Variants in FRK observed in about 807,000 individuals in gnomAD.
FRK encodes the protein fyn related Src family tyrosine kinase, also known as tyrosine-protein kinase FRK.
In FRK, 51 loss-of-function variants were observed where a neutral mutation model predicts 56.4. The ratio of observed to expected loss-of-function variants is 0.90; its 90% CI spans 0.72 to 1.14. FRK has a LOEUF of 1.14. FRK is among the 50% of genes most tolerant of loss of function. The pLI is 0.00. For synonymous variants in FRK, 245 were observed against 217.9 expected (o/e 1.12, Z -1.10); for missense variants, 570 against 601.4 (o/e 0.95, Z 0.55).
chr6:116,044,535 C>G (rs35346019), intron 1 of FRK, among the ~76,000 whole-genome samples: 1 of 152,108 alleles, frequency 6.6e-6, no homozygotes, highest in Non-Finnish European at 1.5e-5. Context: ...ATTCAACACC[C>G]CTTCATGCTA....
chr6:115,999,313 T>C (rs1241705433), intron 2 of FRK, among the ~76,000 whole-genome samples: 2 of 152,180 alleles, frequency 1.3e-5, no homozygotes, highest in Non-Finnish European at 2.9e-5. Flanking sequence ...CCACATATAA[T>C]ATGTAATATT....
chr6:116,069,033 G>C, the FRK span, among the ~76,000 whole-genome samples: 2 of 152,268 alleles, frequency 1.3e-5, no homozygotes, highest in South Asian at 4.1e-4. Context: ...CAGCTGATAA[G>C]CCTTTCCTAA....
chr6:116,100,548 T>G, the FRK span, among the ~76,000 whole-genome samples: 5 of 151,974 alleles, frequency 3.3e-5, no homozygotes, highest in Non-Finnish European at 7.4e-5. Context: ...CCGGTTAATT[T>G]TGTGGTAGCC....
At chr6:116,099,355 T>C in the FRK span, among the ~76,000 whole-genome samples, 1 of 152,202 alleles carries the variant, frequency 6.6e-6, no homozygotes, top group Non-Finnish European at 1.5e-5. Context: ...AAACAAGATA[T>C]TCCCCAAGGA....
the FRK span, among the ~76,000 whole-genome samples, chr6:116,086,924 A>C: frequency 6.6e-6 from 1 of 152,232 alleles, no homozygotes; most frequent in African/African-American, 2.4e-5. Flanking sequence ...ACAGGTTATA[A>C]TACCACAAAA....
At chr6:116,085,692 T>G in the FRK span, among the ~76,000 whole-genome samples, 3 of 152,050 alleles carry the variant, frequency 2.0e-5, no homozygotes, top group Admixed American at 6.6e-5. Context: ...ATGCACCACA[T>G]GCACAGGCCG....
At position 115,932,299 on chromosome 6, in the gene FRK, A is replaced by G. The variant is rs545300055; in HGVS notation, c.*10115T>C. 1.3e-5 allele frequency: 2 copies of G among 152,240 alleles called. No homozygotes were observed. The highest frequency in any genetic ancestry group is 2.9e-5 in the Non-Finnish European group (2 of 68,038). The allele number at this position is 152,240 out of a possible 1,614,324, so 9.4% of individuals were successfully genotyped here. On this transcript the variant is annotated 3_prime_UTR_variant, in exon 8 of 8. Coordinates refer to ENST00000606080, the MANE Select transcript of FRK (RefSeq NM_002031.3). ...GTGGGGGAATGTAGGCAGTAAGAGGATAACACTGAAAATTAAGATATGAAT... is the reference window on the plus strand; with the variant it reads ...GTGGGGGAATGTAGGCAGTAAGAGGGTAACACTGAAAATTAAGATATGAAT...
intron 4 of FRK, among the ~76,000 whole-genome samples, chr6:115,959,332 A>G (rs943403909): frequency 3.2e-4 from 48 of 152,156 alleles, no homozygotes; most frequent in African/African-American, 1.1e-3. Context: ...TAACATGAGA[A>G]ATCTGACTTT....
At position 115,968,644 on chromosome 6, in the gene FRK, C is replaced by A. The variant is rs753596132; in HGVS notation, c.562G>T (p.Glu188Ter). 1.9e-6 allele frequency: 3 copies of A among 1,613,818 alleles called. No homozygotes were observed. The highest frequency in any genetic ancestry group is 1.1e-5 in the South Asian group (1 of 91,058). Residue 188 changes from glutamate to a stop codon, truncating the protein, a stop_gained, in exon 3 of 8, where the codon GAA (glutamate) becomes TAA (stop). Coordinates refer to ENST00000606080, the MANE Select transcript of FRK (RefSeq NM_002031.3). LOFTEE classifies it high-confidence loss of function. ...GTCTTGGTGTAGTGGCTCACAAATT[C>A]GTTCAGTGTTGAAAAGATTCTTCTT... ...TRRRIFSTLN[E>*]FVSHYTKTSD... is the part of the protein sequence containing the mutation.
chr6:116,013,817 G>A (rs988640211), intron 1 of FRK, among the ~76,000 whole-genome samples: 1 of 152,138 alleles, frequency 6.6e-6, no homozygotes, highest in Non-Finnish European at 1.5e-5. Context: ...TAGTCATTGT[G>A]TGTAAACCAT....
chr6:116,070,785 C>A, the FRK span, among the ~76,000 whole-genome samples: 1 of 152,088 alleles, frequency 6.6e-6, no homozygotes, highest in African/African-American at 2.4e-5. Context: ...GAAAACAATT[C>A]TTATGCCAAA....
chr6:116,038,805 G>C, intron 1 of FRK: 1 of 502,686 alleles, frequency 2.0e-6, no homozygotes, highest in South Asian at 1.6e-5. Context: ...ATGAACCGAC[G>C]GAAGAAGAGC....
chr6:116,048,262 C>T (rs77544953), intron 1 of FRK, among the ~76,000 whole-genome samples: 1,782 of 152,306 alleles, frequency 0.012, 16 homozygotes, highest in Non-Finnish European at 0.02. Flanking sequence ...GCTTCAATTT[C>T]GACATGAACT....
At chr6:116,090,211 G>A in the FRK span, among the ~76,000 whole-genome samples, 1 of 152,118 alleles carries the variant, frequency 6.6e-6, no homozygotes, top group Non-Finnish European at 1.5e-5. Flanking sequence ...CCCTTGCACA[G>A]GAAACAACAG....
intron 2 of FRK, among the ~76,000 whole-genome samples, chr6:115,985,669 T>C (rs1423324233): frequency 6.6e-6 from 1 of 152,044 alleles, no homozygotes; most frequent in Non-Finnish European, 1.5e-5. Flanking sequence ...CAAATAAATA[T>C]GCTAAAACAT....
At chr6:115,980,173 A>C (rs1774142690) in intron 2 of FRK, among the ~76,000 whole-genome samples, 1 of 152,160 alleles carries the variant, frequency 6.6e-6, no homozygotes, top group East Asian at 1.9e-4. Flanking sequence ...AGGTATTTGT[A>C]TGGGAAACTA....
chr6:116,013,289 T>C (rs948421503), intron 1 of FRK, among the ~76,000 whole-genome samples: 1 of 152,166 alleles, frequency 6.6e-6, no homozygotes, highest in South Asian at 2.1e-4. Flanking sequence ...ACAAAGTTCA[T>C]ATAAATATTC....
At chr6:116,039,253 T>C in intron 1 of FRK, 3 of 1,492,596 alleles carry the variant, frequency 2.0e-6, no homozygotes, top group Non-Finnish European at 2.8e-6. Context: ...CGAGCCTGTG[T>C]GGGCCATTGG....
Position 115,939,504 on chromosome 6 carries a change from A to C in FRK, c.*2910T>G, listed in dbSNP as rs12523911. The C allele has an allele frequency of 0.041, 6,212 of 152,292 alleles. 341 individuals carry two copies. The highest frequency in any genetic ancestry group is 0.15 in the Admixed American group (2,306 of 15,282). 9.4% of individuals were successfully genotyped at this position (152,292 alleles called of 1,614,324 possible). A position where few individuals can be genotyped will look rare whatever the true frequency, so the allele number is the denominator to read the frequency against. On this transcript the variant is annotated 3_prime_UTR_variant, in exon 8 of 8. Transcript: ENST00000606080. ...CAGGGCAATCAGGCAAGAGAAAGAA[A>C]TAAAGGGTATTCAAATAGGAAAACA... is the stretch of plus-strand genomic sequence containing the variant.
Sources: allele counts gnomAD v4.1 joint callset (sites outside exome capture counted in the v4.1 genomes callset), GRCh38; gene constraint gnomAD v4.1.1; transcripts MANE v1.5; gene names NCBI Gene and HGNC (gene_info 2026-07-23, HGNC 2026-07-21).